Variants in PTPRN2 observed in about 807,000 individuals in gnomAD.
The protein encoded by PTPRN2 is receptor-type tyrosine-protein phosphatase N2.
A neutral mutation model predicts 118.8 loss-of-function variants in PTPRN2; 74 were observed. The observed-to-expected ratio is 0.62, with a 90% CI of 0.52 to 0.76. The LOEUF is 0.76. Among genes scored for constraint, PTPRN2 ranks in the 30% least tolerant of loss-of-function variants. PTPRN2 has a pLI of 0.00. For synonymous variants in PTPRN2, 641 were observed against 608.0 expected (o/e 1.05, Z -0.80); for missense variants, 1,481 against 1,394.4 (o/e 1.06, Z -0.99).
At chr7:158,167,778 T>C (rs1393012273) in intron 5 of PTPRN2, among the ~76,000 whole-genome samples, 1 of 152,222 alleles carries the variant, frequency 6.6e-6, no homozygotes, top group Non-Finnish European at 1.5e-5. Context: ...GCCTGGCTCA[T>C]TTCCCTAAGC....
At chr7:158,320,477 G>A (rs5012914) in intron 2 of PTPRN2, among the ~76,000 whole-genome samples, 2 of 151,640 alleles carry the variant, frequency 1.3e-5, no homozygotes, top group Admixed American at 1.3e-4. Flanking sequence ...TTTTCACTCC[G>A]AGCAGCTGTG....
intron 12 of PTPRN2, among the ~76,000 whole-genome samples, chr7:157,793,336 C>T (rs769542670): frequency 3.9e-5 from 6 of 152,046 alleles, no homozygotes; most frequent in Admixed American, 6.5e-5. Flanking sequence ...ATGACCCTCG[C>T]GGCGGTGATA....
chr7:158,196,192 T>G (rs1041737489), intron 4 of PTPRN2, among the ~76,000 whole-genome samples: 3 of 152,210 alleles, frequency 2.0e-5, no homozygotes, highest in African/African-American at 7.2e-5. Context: ...AGACACAAGG[T>G]CATCAGTCAT....
chr7:157,547,590 G>A (rs746641469), intron 22 of PTPRN2, among the ~76,000 whole-genome samples: 1 of 151,936 alleles, frequency 6.6e-6, no homozygotes. Flanking sequence ...AACACATGCC[G>A]AATGCTGTTG....
chr7:157,789,887 A>G (rs111204844), intron 12 of PTPRN2, among the ~76,000 whole-genome samples: 3,199 of 136,356 alleles, frequency 0.023, 91 homozygotes, highest in South Asian at 0.14. Context: ...GTGTGCAGGT[A>G]TGTGTGTGGT....
At chr7:158,307,213 C>T (rs1251942413) in intron 3 of PTPRN2, among the ~76,000 whole-genome samples, 3 of 151,936 alleles carry the variant, frequency 2.0e-5, no homozygotes, top group Non-Finnish European at 4.4e-5. Context: ...AGAACAATGT[C>T]TAAAGAGCTA....
intron 17 of PTPRN2, among the ~76,000 whole-genome samples, chr7:157,588,386 C>T (rs1490718898): frequency 6.6e-6 from 1 of 152,208 alleles, no homozygotes; most frequent in African/African-American, 2.4e-5. Flanking sequence ...TCGATGCCCG[C>T]GGCCCCTCCC....
At chr7:158,261,853 C>T (rs552337596) in intron 3 of PTPRN2, among the ~76,000 whole-genome samples, 12 of 152,340 alleles carry the variant, frequency 7.9e-5, no homozygotes, top group South Asian at 6.2e-4. Flanking sequence ...AATATTCTGA[C>T]GGGGCTTCCC....
At chr7:157,867,664 A>T (rs918319191) in intron 12 of PTPRN2, among the ~76,000 whole-genome samples, 4 of 152,260 alleles carry the variant, frequency 2.6e-5, no homozygotes, top group Non-Finnish European at 4.4e-5. Flanking sequence ...AGGCAAAAAG[A>T]GTGAACTAGA....
At chr7:157,825,883 T>C (rs542358954) in intron 12 of PTPRN2, among the ~76,000 whole-genome samples, 1 of 152,310 alleles carries the variant, frequency 6.6e-6, no homozygotes, top group African/African-American at 2.4e-5. Flanking sequence ...AGCATCACTG[T>C]AGAGAGCTTC....
At chr7:158,111,781 T>A (rs1469046525) in intron 9 of PTPRN2, among the ~76,000 whole-genome samples, 10 of 151,790 alleles carry the variant, frequency 6.6e-5, no homozygotes. Context: ...TGAATAGAAA[T>A]CAATCATGCT....
chr7:158,235,944 C>T (rs563988327), intron 3 of PTPRN2, among the ~76,000 whole-genome samples: 2 of 152,236 alleles, frequency 1.3e-5, no homozygotes, highest in South Asian at 2.1e-4. Flanking sequence ...AGGAAGCAGC[C>T]GGTGTGACCA....
chr7:158,578,069 G>A (rs1037510955), intron 1 of PTPRN2, among the ~76,000 whole-genome samples: 1 of 152,188 alleles, frequency 6.6e-6, no homozygotes, highest in Non-Finnish European at 1.5e-5. Context: ...TCGTTGACAA[G>A]ACCAAAATTC....
chr7:157,848,285 C>T (rs1809019836), intron 12 of PTPRN2, among the ~76,000 whole-genome samples: 1 of 149,792 alleles, frequency 6.7e-6, no homozygotes, highest in South Asian at 2.2e-4. Flanking sequence ...ACAGAGCCCT[C>T]TCTCATTACA....
chr7:158,350,244 A>G (rs1394443771), intron 2 of PTPRN2, among the ~76,000 whole-genome samples: 1 of 152,180 alleles, frequency 6.6e-6, no homozygotes, highest in Non-Finnish European at 1.5e-5. Flanking sequence ...GATGCTCAAC[A>G]TCAGCCGGCA....
At chr7:158,279,166 T>C (rs750696612) in intron 3 of PTPRN2, among the ~76,000 whole-genome samples, 2 of 152,250 alleles carry the variant, frequency 1.3e-5, no homozygotes, top group African/African-American at 4.8e-5. Context: ...CGCACCTACA[T>C]CCTGCTGATT....
chr7:158,207,768 T>C (rs572534912), intron 3 of PTPRN2, among the ~76,000 whole-genome samples: 1 of 152,220 alleles, frequency 6.6e-6, no homozygotes, highest in East Asian at 1.9e-4. Flanking sequence ...CAGGAAAACA[T>C]GACCTCACCA....
At chr7:157,983,650 G>T (rs1191496919) in intron 11 of PTPRN2, among the ~76,000 whole-genome samples, 1 of 152,194 alleles carries the variant, frequency 6.6e-6, no homozygotes, top group Non-Finnish European at 1.5e-5. Flanking sequence ...CTGCCTGCAT[G>T]CCCCGGAGGA....
chr7:158,330,583 G>GAGGC, intron 2 of PTPRN2, among the ~76,000 whole-genome samples: 3 of 47,260 alleles, frequency 6.3e-5, no homozygotes, highest in African/African-American at 2.1e-4. Context: ...CCTAAGAGGT[G>GAGGC]ACATCTGCAG....
Sources: allele counts gnomAD v4.1 joint callset (sites outside exome capture counted in the v4.1 genomes callset), GRCh38; gene constraint gnomAD v4.1.1; transcripts MANE v1.5; gene names NCBI Gene and HGNC (gene_info 2026-07-23, HGNC 2026-07-21).